Variants in TRRAP observed in about 807,000 individuals in gnomAD.
TRRAP encodes transformation/transcription domain associated protein, also known as transformation/transcription domain-associated protein.
A neutral mutation model predicts 438.8 loss-of-function variants in TRRAP; 41 were observed. The observed-to-expected ratio is 0.09, with a 90% CI of 0.07 to 0.12. The LOEUF (loss-of-function observed/expected upper bound fraction) is 0.12. TRRAP is among the 10% of genes least tolerant of loss of function. TRRAP has a pLI of 1.00. For synonymous variants in TRRAP, 1,994 were observed against 1,962.9 expected, an observed-to-expected ratio of 1.02 and a Z score of -0.42; for missense variants, 3,122 against 5,055.1, an observed-to-expected ratio of 0.62 and a Z score of 11.60.
In TRRAP at chr7:98,950,006, C is replaced by T. The variant is rs1165223248; in HGVS notation, c.5136-58C>T. ...GAGCTGTTTAAAGGCAAGTCAGAGG[C>T]GTAGTTGTTAATGAAATTTGCTCTA... On this transcript the variant is annotated intron_variant, in intron 37 of 72. Transcript: ENST00000456197. 13 of 1,604,920 alleles carry T rather than the reference C, an allele frequency of 8.1e-6. No homozygotes were observed. Among genetic ancestry groups the T allele is most frequent in the East Asian group, 2.2e-5 (1 of 44,824 alleles).
intron 1 of TRRAP, among the ~76,000 whole-genome samples, chr7:98,879,990 C>G (rs1267068853): frequency 6.6e-6 from 1 of 152,162 alleles, no homozygotes; most frequent in African/African-American, 2.4e-5. Flanking sequence ...ACCAGCTTCT[C>G]GGGATACTTT....
chr7:98,996,220 T>G lies in TRRAP; in HGVS notation c.10309+1372T>G, dbSNP rs532495086. ...TACACACCCACATCACATCTGCGCA[T>G]CCACATCCCATTGTGCACACCCACA... On this transcript the variant is annotated intron_variant, in intron 67 of 72. Coordinates refer to ENST00000456197, the MANE Select transcript of TRRAP (RefSeq NM_001375524.1). Among the ~76,000 whole-genome samples the G allele has an allele frequency of 4.6e-5, 7 of 152,300 alleles. No individual in the cohort carries two copies. The East Asian group carries it at 7.7e-4, about 17-fold the overall frequency.
rs56407045 is a variant in TRRAP, at chr7:98,894,783, G to GTT, written c.450+926_450+927dup. On this transcript the variant is annotated intron_variant, in intron 6 of 72. Coordinates refer to ENST00000456197, the MANE Select transcript of TRRAP (RefSeq NM_001375524.1). ...CTTATGCCACCACACCCAGCTAATG[G>GTT]TTTTTTTTTTTTTTTTTTTTTTTTT... 3.4e-3 allele frequency among the ~76,000 whole-genome samples: 296 copies of GTT among 87,438 alleles called. 8 individuals carry two copies. The highest frequency in any genetic ancestry group is 0.012 in the African/African-American group (257 of 21,398). The allele number at this position is 87,438 out of a possible 152,430, so 57.4% of individuals were successfully genotyped here.
At chr7:98,940,187 T>C (rs149951320) in intron 30 of TRRAP, among the ~76,000 whole-genome samples, 2,125 of 151,016 alleles carry the variant, frequency 0.014, 23 homozygotes, top group Non-Finnish European at 0.021. Context: ...CCTGGCCTGT[T>C]TGTTTGTTTA....
rs201292520 is a variant in TRRAP, at chr7:98,933,297, C to T, written c.3909C>T (p.Asn1303=). 32 of 1,614,044 alleles carry T rather than the reference C, an allele frequency of 2.0e-5. No individual in the cohort carries two copies. The highest frequency in any genetic ancestry group is 1.6e-4 in the Middle Eastern group (1 of 6,084). Residue 1303 remains asparagine, a synonymous_variant, in exon 27 of 73, where the codon AAC becomes AAT. Transcript: ENST00000456197. ...KKHLLRHQPA[N]AQIGLMEGNT... ...ACCTGCTCCGACACCAGCCTGCCAA[C>T]GCACAGATTGGCCTGATGGAGGGGA...
chr7:98,913,627 G>C (rs1001044462), intron 18 of TRRAP, among the ~76,000 whole-genome samples: 2 of 152,012 alleles, frequency 1.3e-5, no homozygotes, highest in Admixed American at 6.5e-5. Context: ...TAACAGTCTT[G>C]GCAATATGTA....
Position 98,921,857 on chromosome 7 carries a change from G to A in TRRAP, c.2727G>A (p.Ser909=), listed in dbSNP as rs1554410623. 3.7e-6 allele frequency: 6 copies of A among 1,614,084 alleles called. No homozygotes were observed. The highest frequency in any genetic ancestry group is 2.7e-5 in the African/African-American group (2 of 74,930). ...GGSNRKMLKE[S]QKLHYVVTEV... ...GTAACAGGAAGATGCTGAAGGAGTC[G>A]CAGAAGCTGCACTACGTTGTGACCG... The change falls in exon 21 of 73, where the codon TCG becomes TCA. Residue 909 remains serine (S), a synonymous_variant. Transcript: ENST00000456197.
intron 51 of TRRAP, among the ~76,000 whole-genome samples, 187 bp from the exon 52 acceptor site, chr7:98,969,925 G>A (rs1792333526): frequency 1.3e-5 from 2 of 152,112 alleles, no homozygotes; most frequent in African/African-American, 2.4e-5. Flanking sequence ...GTATGTGGAC[G>A]ATGCCTTGGA....
At chr7:99,000,876 T>C (rs764830197) in intron 67 of TRRAP, among the ~76,000 whole-genome samples, 5 of 152,226 alleles carry the variant, frequency 3.3e-5, no homozygotes, top group South Asian at 2.1e-4. Flanking sequence ...TTCTCTGCCT[T>C]GCACACCCAG....
rs868911869 is a variant in TRRAP at position 98,953,081 on chromosome 7, T to G, written c.5464-86T>G. ...TGTGTGTGTGTGTGTGTGTGTGTGT[T>G]TTTAAGGCTTAAACCTGTCGTATGA... On this transcript the variant is annotated intron_variant, in intron 39 of 72. Coordinates refer to ENST00000456197, the MANE Select transcript of TRRAP (RefSeq NM_001375524.1). The G allele has an allele frequency of 5.6e-4, 447 of 804,958 alleles. 2 individuals carry two copies. Among genetic ancestry groups the G allele is most frequent in the African/African-American group, 5.1e-3 (260 of 50,922 alleles). The allele number at this position is 804,958 out of a possible 1,614,324, so 49.9% of individuals were successfully genotyped here. A position where few individuals can be genotyped will look rare whatever the true frequency, so the allele number is the denominator to read the frequency against.
chr7:98,978,623 C>T, intron 57 of TRRAP, 146 bp from the exon 58 acceptor site: 2 of 1,185,526 alleles, frequency 1.7e-6, no homozygotes, highest in East Asian at 2.3e-5. Context: ...CAATGGAGCA[C>T]ACCTCCATGT....
At chr7:98,912,652 T>C (rs2116419463) in intron 18 of TRRAP, among the ~76,000 whole-genome samples, 1 of 152,260 alleles carries the variant, frequency 6.6e-6, no homozygotes, top group East Asian at 1.9e-4. Context: ...TTTTTTGGAT[T>C]ACACAAATAG....
At chr7:98,892,572 A>G (rs781789467) in intron 5 of TRRAP, 44 bp downstream of exon 5, 3 of 1,438,400 alleles carry the variant, frequency 2.1e-6, no homozygotes, top group African/African-American at 1.4e-5. Context: ...CGTATGTAAA[A>G]CTTTCACTGA....
At chr7:98,882,521 C>T (rs1322673431) in intron 3 of TRRAP, among the ~76,000 whole-genome samples, 1 of 151,814 alleles carries the variant, frequency 6.6e-6, no homozygotes, top group Non-Finnish European at 1.5e-5. Context: ...TGCTACCATG[C>T]CTGGGTAATT....
At chr7:99,006,358 A>G (rs554093896) in intron 69 of TRRAP, among the ~76,000 whole-genome samples, 1 of 152,294 alleles carries the variant, frequency 6.6e-6, no homozygotes, top group South Asian at 2.1e-4. Flanking sequence ...TATATCTCAA[A>G]ATAAGATTTT....
intron 38 of TRRAP, 27 bp from the exon 39 acceptor site, chr7:98,950,849 C>T: frequency 6.7e-7 from 1 of 1,498,864 alleles, no homozygotes; most frequent in Non-Finnish European, 8.9e-7. Context: ...TTGTTTTTCT[C>T]CTTCTTTATT....
chr7:98,978,275 C>A lies in TRRAP; in HGVS notation c.8450C>A (p.Ser2817Tyr). ...AAAGAACATGAGAGGAGTAACGCCT[C>A]CCCTGCTATTTTCCCTGAATACCAG... is the stretch of plus-strand genomic sequence containing the variant. ...AKKEHERSNA[S>Y]PAIFPEYQLW... Residue 2817 changes from serine to tyrosine, a missense_variant, in exon 57 of 73, where the codon TCC (serine) becomes TAC (tyrosine). Around this residue, in one of 24 missense-constraint regions of TRRAP, gnomAD observed 992 missense variants for 1,281.2 expected, o/e 0.77. Coordinates refer to ENST00000456197, the MANE Select transcript of TRRAP (RefSeq NM_001375524.1). 6.2e-7 allele frequency: 1 copy of A among 1,614,174 alleles called. No individual in the cohort carries two copies. The highest frequency in any genetic ancestry group is 8.5e-7 in the Non-Finnish European group (1 of 1,180,032).
chr7:99,005,260 A>G lies in TRRAP; in HGVS notation c.10665A>G (p.Arg3555=). The change falls in exon 69 of 73, where the codon CGA becomes CGG. Residue 3555 remains arginine (R), a synonymous_variant. Transcript: ENST00000456197. This position sits in a 1 kb window ranked among gnomAD's most constrained non-coding sequence, Gnocchi z 5.1. Reference sequence around the variant, plus strand: ...ACGCCTGCCTCACAGAGTCACGGCGAGAGGAGCGTGTGTTGCAGCTGCTGC... The same window carrying G: ...ACGCCTGCCTCACAGAGTCACGGCGGGAGGAGCGTGTGTTGCAGCTGCTGC... The part of the protein sequence containing the change: ...MNDACLTESR[R]EERVLQLLRL... 1 of 1,614,074 alleles carries G rather than the reference A, an allele frequency of 6.2e-7. No individual in the cohort carries two copies.
Position 98,930,762 on chromosome 7 carries a change from T to A in TRRAP, c.3523T>A (p.Trp1175Arg). Reference protein sequence around the residue: ...KFLMERLPLTWVLQNQQTFLK... With the variant: ...KFLMERLPLTRVLQNQQTFLK... ...TCTCATGGAGCGGCTGCCTCTCACT[T>A]GGGTTCTCCAGAACCAGCAGACATT... The change falls in exon 25 of 73, where the codon TGG becomes AGG. Residue 1175 changes from tryptophan (W) to arginine (R), a missense_variant. Around this residue, in one of 24 missense-constraint regions of TRRAP, gnomAD observed 153 missense variants for 223.0 expected, o/e 0.69. Coordinates refer to ENST00000456197, the MANE Select transcript of TRRAP (RefSeq NM_001375524.1). The A allele has an allele frequency of 6.2e-7, 1 of 1,614,224 alleles. No individual in the cohort carries two copies. The highest frequency in any genetic ancestry group is 2.2e-5 in the East Asian group (1 of 44,878).
Sources: gnomAD v4.1 joint callset for allele counts (sites outside exome capture counted in the v4.1 genomes callset) on GRCh38, gnomAD v4.1.1 for gene constraint, gnomAD v4.1.1 regional missense constraint, Gnocchi (gnomAD v3.1) non-coding constraint, MANE v1.5 for transcripts, NCBI Gene and HGNC (gene_info 2026-07-23, HGNC 2026-07-21) for gene names.